The following PAPSS1 variants were observed in gnomAD, a reference collection of about 807,000 sequenced individuals.
PAPSS1 encodes bifunctional 3'-phosphoadenosine 5'-phosphosulfate synthase 1.
Under a neutral mutation model 72.0 loss-of-function variants are expected in PAPSS1, and 50 were observed. The ratio of observed to expected loss-of-function variants is 0.69; its 90% confidence interval spans 0.55 to 0.88. The LOEUF (loss-of-function observed/expected upper bound fraction) is 0.88, where lower values mean the gene tolerates loss of function less well. Among genes scored for constraint, PAPSS1 ranks in the 40% least tolerant of loss-of-function variants. The probability of loss-of-function intolerance (pLI) is 0.00; values close to 1 mark genes in which losing one functional copy is unlikely to be tolerated. For synonymous variants in PAPSS1, 261 were observed against 263.6 expected, an observed-to-expected ratio of 0.99 and a Z score of 0.09; for missense variants, 657 against 782.2, an observed-to-expected ratio of 0.84 and a Z score of 1.91.
chr4:107,631,320 C>G (rs1726219950), intron 11 of PAPSS1, among the ~76,000 whole-genome samples: 1 of 152,148 alleles, frequency 6.6e-6, no homozygotes, highest in African/African-American at 2.4e-5. Context: ...CTGGGCTTAC[C>G]AGAGTAAACA....
intron 11 of PAPSS1, among the ~76,000 whole-genome samples, chr4:107,630,730 C>G (rs1726206351): frequency 6.6e-6 from 1 of 152,144 alleles, no homozygotes; most frequent in South Asian, 2.1e-4. Context: ...GACTCTAAAA[C>G]CAGACTGCCT....
intron 11 of PAPSS1, among the ~76,000 whole-genome samples, chr4:107,614,655 A>G (rs757271628): frequency 6.6e-6 from 1 of 152,214 alleles, no homozygotes; most frequent in African/African-American, 2.4e-5. Flanking sequence ...GAAATAATAT[A>G]GCCAGTCACC....
At chr4:107,679,428 A>G (rs1191937959) in intron 5 of PAPSS1, among the ~76,000 whole-genome samples, 1 of 152,186 alleles carries the variant, frequency 6.6e-6, no homozygotes, top group Non-Finnish European at 1.5e-5. Flanking sequence ...ATAAGGAATA[A>G]GGACAGCCAA....
At chr4:107,684,657 C>T (rs770279085) in intron 4 of PAPSS1, among the ~76,000 whole-genome samples, 9 of 152,124 alleles carry the variant, frequency 5.9e-5, no homozygotes, top group Non-Finnish European at 1.2e-4. Context: ...GTTCTTCAGA[C>T]AAACTCAACC....
Position 107,653,631 on chromosome 4 carries a change from T to C in PAPSS1, c.1102-5A>G, listed in dbSNP as rs747667547. 3 of 1,607,298 alleles carry C rather than the reference T, an allele frequency of 1.9e-6. No individual in the cohort carries two copies. Among genetic ancestry groups the C allele is most frequent in the East Asian group, 2.2e-5 (1 of 44,716 alleles). On this transcript the variant is annotated splice_polypyrimidine_tract_variant and splice_region_variant and intron_variant, in intron 8 of 11. Coordinates refer to ENST00000265174, the MANE Select transcript of PAPSS1 (RefSeq NM_005443.5). ...ATCTCCTTGTTCCATCACCATCTAA[T>C]AGGAAAAACAAATTTTTTTAATGGA...
intron 10 of PAPSS1, among the ~76,000 whole-genome samples, chr4:107,643,474 C>G (rs1256973621): frequency 6.6e-6 from 1 of 152,182 alleles, no homozygotes; most frequent in Admixed American, 6.5e-5. Flanking sequence ...AACTGTAGCT[C>G]GACCTCCCTC....
chr4:107,701,028 T>C (rs1054077744), intron 2 of PAPSS1, 143 bp downstream of exon 2: 30 of 434,892 alleles, frequency 6.9e-5, no homozygotes, highest in Admixed American at 2.8e-4. Flanking sequence ...ACAAGAAATA[T>C]TATTAAGCAA....
chr4:107,646,232 T>G (rs1726688075), intron 9 of PAPSS1, among the ~76,000 whole-genome samples: 2 of 151,910 alleles, frequency 1.3e-5, no homozygotes, highest in Non-Finnish European at 2.9e-5. Context: ...TACTTCAAAT[T>G]TGGTTTTACA....
chr4:107,678,390 C>T (rs727137), intron 5 of PAPSS1, among the ~76,000 whole-genome samples: 36,490 of 151,718 alleles, frequency 0.24, 4,974 homozygotes, highest in Middle Eastern at 0.34. Flanking sequence ...CAAAAGAGAG[C>T]ATCACCTAAC....
At chr4:107,701,726 T>C (rs1723209120) in intron 1 of PAPSS1, among the ~76,000 whole-genome samples, 1 of 152,162 alleles carries the variant, frequency 6.6e-6, no homozygotes, top group Non-Finnish European at 1.5e-5. Context: ...TGGGGAACAA[T>C]GTAAACCAAT....
At chr4:107,617,690 C>T (rs1725857518) in intron 11 of PAPSS1, among the ~76,000 whole-genome samples, 1 of 152,098 alleles carries the variant, frequency 6.6e-6, no homozygotes, top group Non-Finnish European at 1.5e-5. Flanking sequence ...TTAGGTAAAA[C>T]ACATTTTACA....
At position 107,628,498 on chromosome 4, in the gene PAPSS1, T is replaced by C. The variant is rs532902501; in HGVS notation, c.1736+3133A>G. ...ATGGGGAACCAACTATGAAGTATCA[T>C]GGGAAAGGATGGCAGCTTTCAGACT... On this transcript the variant is annotated intron_variant, in intron 11 of 11. Coordinates refer to ENST00000265174, the MANE Select transcript of PAPSS1 (RefSeq NM_005443.5). Among the ~76,000 whole-genome samples, 53 of 152,322 alleles carry C rather than the reference T, an allele frequency of 3.5e-4. 1 individual carries two copies. The highest frequency in any genetic ancestry group is 3.4e-3 in the Middle Eastern group (1 of 294).
At chr4:107,671,944 C>T (rs1727482716) in intron 5 of PAPSS1, among the ~76,000 whole-genome samples, 1 of 151,972 alleles carries the variant, frequency 6.6e-6, no homozygotes, top group Non-Finnish European at 1.5e-5. Flanking sequence ...TACAGAGGGC[C>T]AACTTTCTAA....
At chr4:107,675,264 T>C (rs1000080725) in intron 5 of PAPSS1, among the ~76,000 whole-genome samples, 6 of 151,828 alleles carry the variant, frequency 4.0e-5, no homozygotes, top group African/African-American at 1.5e-4. Context: ...TTTGAAAAGA[T>C]CAACAAAATT....
Position 107,687,185 on chromosome 4 carries a change from A to C in PAPSS1, c.412-8T>G. ...CCTTGCATTGTTGCGATCCTTAAAA[A>C]AAAATAAAATAAAAAGTGATCACAC... On this transcript the variant is annotated splice_polypyrimidine_tract_variant and splice_region_variant and intron_variant, in intron 3 of 11. Coordinates refer to ENST00000265174, the MANE Select transcript of PAPSS1 (RefSeq NM_005443.5). 1 of 1,545,324 alleles carries C rather than the reference A, an allele frequency of 6.5e-7. No individual in the cohort carries two copies. Among genetic ancestry groups the C allele is most frequent in the Non-Finnish European group, 8.7e-7 (1 of 1,155,686 alleles).
chr4:107,656,856 C>T lies in PAPSS1; in HGVS notation c.895+40G>A, dbSNP rs774633140. The T allele has an allele frequency of 2.3e-6, 3 of 1,326,574 alleles. 1 individual carries two copies. Among genetic ancestry groups the T allele is most frequent in the Non-Finnish European group, 1.1e-6 (1 of 918,810 alleles). 82.2% of individuals were successfully genotyped at this position (1,326,574 alleles called of 1,614,324 possible). On this transcript the variant is annotated intron_variant, in intron 7 of 11. Transcript: ENST00000265174. ...AAATCTCTGCAACTATGTAATTTCT[C>T]TTCCACATACAATATAATTTTGAAT...
chr4:107,647,532 T>C (rs1391577905), intron 9 of PAPSS1, among the ~76,000 whole-genome samples: 2 of 152,228 alleles, frequency 1.3e-5, no homozygotes, highest in South Asian at 2.1e-4. Context: ...CAACCTTTTA[T>C]ATGTCATCTG....
rs1028664496 is a variant in PAPSS1 at position 107,719,800 on chromosome 4, C to G, written c.60+320G>C. On this transcript the variant is annotated intron_variant, in intron 1 of 11. Coordinates refer to ENST00000265174, the MANE Select transcript of PAPSS1 (RefSeq NM_005443.5). ...AGGTTTCAGCACCCGGAGGTTTCAG[C>G]AAGCGCCAGTTCACGGGTGAAGGAT... 6.7e-6 allele frequency: 8 copies of G among 1,200,808 alleles called. No individual in the cohort carries two copies. In the African/African-American group the frequency reaches 1.3e-4, roughly 19 times the overall value. The allele number at this position is 1,200,808 out of a possible 1,614,324, so 74.4% of individuals were successfully genotyped here. A position where few individuals can be genotyped will look rare whatever the true frequency, so the allele number is the denominator to read the frequency against.
chr4:107,676,080 C>T (rs1226848187), intron 5 of PAPSS1, among the ~76,000 whole-genome samples: 2 of 152,280 alleles, frequency 1.3e-5, no homozygotes, highest in East Asian at 3.9e-4. Context: ...CAATATCATA[C>T]TGAATGGGCA....
Sources: allele counts gnomAD v4.1 joint callset (sites outside exome capture counted in the v4.1 genomes callset), GRCh38; gene constraint gnomAD v4.1.1; transcripts MANE v1.5; gene names NCBI Gene and HGNC (gene_info 2026-07-23, HGNC 2026-07-21).